CSMD2: variants seen among roughly 807,000 people sequenced by gnomAD.
The protein encoded by CSMD2 is CUB and sushi domain-containing protein 2.
In CSMD2, 130 loss-of-function variants were observed where a neutral mutation model predicts 398.5. That is an observed-to-expected ratio of 0.33 (90% CI 0.28 to 0.38). The LOEUF (loss-of-function observed/expected upper bound fraction) is 0.38, where lower values mean the gene tolerates loss of function less well. Among genes scored for constraint, CSMD2 ranks in the 10% least tolerant of loss-of-function variants. The pLI is 1.00. For missense variants in CSMD2, 3,829 were observed against 4,764.9 expected (o/e 0.80, Z 5.78); for synonymous variants, 1,828 against 1,908.5 (o/e 0.96, Z 1.10).
intron 1 of CSMD2, among the ~76,000 whole-genome samples, chr1:34,153,478 C>A (rs769991219): frequency 3.9e-5 from 6 of 152,240 alleles, no homozygotes; most frequent in Non-Finnish European, 8.8e-5. Flanking sequence ...TTGCTTCCGC[C>A]ATTTGGCTGT....
rs1182998879 is a variant in CSMD2, at chr1:33,519,795, T to A, written c.10736+17A>T. On this transcript the variant is annotated intron_variant, in intron 69 of 70. Transcript: ENST00000373381. This position sits in a 1 kb window ranked among gnomAD's most constrained non-coding sequence, Gnocchi z 5.6. ...AGGCCTGCCTGATGCCCGCCCTGCC[T>A]CCTTCCTGCACGGTACCTGTGCTTG... is the stretch of plus-strand genomic sequence containing the variant. 6.2e-7 allele frequency: 1 copy of A among 1,613,198 alleles called. No individual in the cohort carries two copies. Among genetic ancestry groups the A allele is most frequent in the Non-Finnish European group, 8.5e-7 (1 of 1,179,566 alleles).
At chr1:33,962,346 G>A (rs1419261635) in intron 3 of CSMD2, among the ~76,000 whole-genome samples, 1 of 152,076 alleles carries the variant, frequency 6.6e-6, no homozygotes, top group Non-Finnish European at 1.5e-5. Context: ...CAAAAGAGTT[G>A]GGGGTTTAGG....
chr1:33,532,560 G>T (rs553083630), intron 64 of CSMD2, among the ~76,000 whole-genome samples: 2 of 152,190 alleles, frequency 1.3e-5, no homozygotes, highest in East Asian at 3.9e-4. Context: ...ATCTGATAAC[G>T]TGTCTGTCTT....
At chr1:34,036,919 C>T (rs956604732) in intron 2 of CSMD2, among the ~76,000 whole-genome samples, 1 of 152,100 alleles carries the variant, frequency 6.6e-6, no homozygotes, top group Non-Finnish European at 1.5e-5. Flanking sequence ...AAGTTACAGG[C>T]TATGACACAT....
At chr1:33,944,737 A>G (rs1004088863) in intron 3 of CSMD2, among the ~76,000 whole-genome samples, 9 of 152,196 alleles carry the variant, frequency 5.9e-5, no homozygotes, top group African/African-American at 1.7e-4. Context: ...TCCTTTTTAC[A>G]GGGAGGAAAC....
chr1:33,796,054 T>C (rs1224026774), intron 10 of CSMD2, among the ~76,000 whole-genome samples: 1 of 152,250 alleles, frequency 6.6e-6, no homozygotes, highest in African/African-American at 2.4e-5. Context: ...CCATACACAA[T>C]GTGTACATGA....
intron 1 of CSMD2, among the ~76,000 whole-genome samples, chr1:34,090,405 G>A (rs533906159): frequency 6.6e-6 from 1 of 152,142 alleles, no homozygotes; most frequent in Non-Finnish European, 1.5e-5. Context: ...TCCTCTCTCC[G>A]ATTTGGGGGA....
chr1:33,605,167 C>T (rs544440339), intron 42 of CSMD2, 115 bp downstream of exon 42: 1 of 1,018,452 alleles, frequency 9.8e-7, no homozygotes. Flanking sequence ...CACAGTTTGC[C>T]TGGACCTCCA....
chr1:33,973,227 T>A (rs1486242998), intron 3 of CSMD2, among the ~76,000 whole-genome samples: 2 of 152,162 alleles, frequency 1.3e-5, no homozygotes, highest in African/African-American at 4.8e-5. Flanking sequence ...CGCTGGCATG[T>A]CCCCAAGCTG....
In CSMD2 at chr1:34,163,970, T is replaced by G. The variant is rs2148592925; in HGVS notation, c.187+941A>C. ...CGTACCTCCCCCGCGCGCTGCAAGC[T>G]GCAGCCAGACACCCGCGAAGTTCCG... On this transcript the variant is annotated intron_variant, in intron 1 of 70. Coordinates refer to ENST00000373381, the MANE Select transcript of CSMD2 (RefSeq NM_001281956.2). The surrounding 1 kb of genome is among the most constrained non-coding windows in gnomAD (Gnocchi z 5.4). Among the ~76,000 whole-genome samples, 1 of 152,152 alleles carries G rather than the reference T, an allele frequency of 6.6e-6. No homozygotes were observed. Among genetic ancestry groups the G allele is most frequent in the Non-Finnish European group, 1.5e-5 (1 of 67,978 alleles).
chr1:33,843,520 G>A (rs376871160), intron 6 of CSMD2, among the ~76,000 whole-genome samples: 11 of 152,182 alleles, frequency 7.2e-5, no homozygotes, highest in African/African-American at 2.7e-4. Flanking sequence ...AGCTGACTGT[G>A]GGTGAAACTG....
Position 34,078,654 on chromosome 1 carries a change from G to GCTAGGTATAAAT in CSMD2, c.404+10311_404+10322dup, listed in dbSNP as rs549955641. Among the ~76,000 whole-genome samples, 278 of 152,242 alleles carry GCTAGGTATAAAT rather than the reference G, an allele frequency of 1.8e-3. 1 individual carries two copies. The Middle Eastern group carries it at 0.027, about 15-fold the overall frequency. On this transcript the variant is annotated intron_variant, in intron 2 of 70. Coordinates refer to ENST00000373381, the MANE Select transcript of CSMD2 (RefSeq NM_001281956.2). The stretch of plus-strand genomic sequence containing the variant: ...ATAGCATTAATAAATGTAGAGCCTA[G>GCTAGGTATAAAT]CTAGGTATAAATCTAGGTCTGTCCC...
chr1:33,999,219 C>G (rs1361931569), intron 3 of CSMD2, among the ~76,000 whole-genome samples: 1 of 152,120 alleles, frequency 6.6e-6, no homozygotes, highest in African/African-American at 2.4e-5. Flanking sequence ...TACAAGACTG[C>G]AATGCCAGAG....
chr1:33,727,664 T>G lies in CSMD2; in HGVS notation c.2369-979A>C, dbSNP rs188806958. On this transcript the variant is annotated intron_variant, in intron 15 of 70. Transcript: ENST00000373381. ...CGGCCTCGGTAATTGTGGAAGCAAG[T>G]GTCAAGAGGGAAGTCTCATCAATCT... Among the ~76,000 whole-genome samples, 3 of 152,326 alleles carry G rather than the reference T, an allele frequency of 2.0e-5. No homozygotes were observed. The East Asian group carries it at 5.8e-4, about 29-fold the overall frequency.
chr1:33,983,500 G>T (rs1172328013), intron 3 of CSMD2, among the ~76,000 whole-genome samples: 1 of 152,146 alleles, frequency 6.6e-6, no homozygotes, highest in Non-Finnish European at 1.5e-5. Context: ...TGCAGATCTG[G>T]TCTGTAATCT....
In CSMD2 at chr1:33,533,651, C is replaced by A; in HGVS notation, c.9991+145G>T. 1 of 623,022 alleles carries A rather than the reference C, an allele frequency of 1.6e-6. No homozygotes were observed. The highest frequency in any genetic ancestry group is 2.9e-6 in the Non-Finnish European group (1 of 344,316). 38.6% of individuals were successfully genotyped at this position (623,022 alleles called of 1,614,324 possible). On this transcript the variant is annotated intron_variant, in intron 63 of 70. Coordinates refer to ENST00000373381, the MANE Select transcript of CSMD2 (RefSeq NM_001281956.2). The surrounding 1 kb of genome is among the most constrained non-coding windows in gnomAD (Gnocchi z 4.2). The stretch of plus-strand genomic sequence containing the variant: ...TGTGTGGAAGTCTTCTGTGAGGCCC[C>A]AAAGTGTAAGGACTACAAAGAGACC...
rs769611235 is a variant in CSMD2, at chr1:33,537,325, T to G, written c.9805+111A>C. ...GAAGCTCAGAGGATGAGATGTTCCC[T>G]TTTGCAGATGAGACCACTGAAGACA... On this transcript the variant is annotated intron_variant, in intron 61 of 70. Coordinates refer to ENST00000373381, the MANE Select transcript of CSMD2 (RefSeq NM_001281956.2). The surrounding 1 kb of genome is among the most constrained non-coding windows in gnomAD (Gnocchi z 4.6). The G allele has an allele frequency of 9.5e-6, 12 of 1,268,040 alleles. No homozygotes were observed. The highest frequency in any genetic ancestry group is 1.3e-5 in the Non-Finnish European group (12 of 900,846). 78.5% of individuals were successfully genotyped at this position (1,268,040 alleles called of 1,614,324 possible).
chr1:34,088,596 T>C (rs78752207), intron 2 of CSMD2, among the ~76,000 whole-genome samples: 1,797 of 152,324 alleles, frequency 0.012, 31 homozygotes, highest in African/African-American at 0.04. Context: ...TGGTTTCAAA[T>C]ACTGTGACGC....
At chr1:33,734,073 G>A (rs562200410) in intron 15 of CSMD2, among the ~76,000 whole-genome samples, 60 of 152,306 alleles carry the variant, frequency 3.9e-4, no homozygotes, top group African/African-American at 1.4e-3. Context: ...TAGAAATGCA[G>A]TAACTACCCT....
Sources: allele counts gnomAD v4.1 joint callset (sites outside exome capture counted in the v4.1 genomes callset), GRCh38; gene constraint gnomAD v4.1.1; non-coding constraint Gnocchi (gnomAD v3.1); transcripts MANE v1.5; gene names NCBI Gene and HGNC (gene_info 2026-07-23, HGNC 2026-07-21).